Variants in CUX1 observed in about 807,000 individuals in gnomAD.
CUX1 encodes the protein cut like homeobox 1, also known as protein CASP.
CUX1 carries 31 observed loss-of-function variants against 158.8 expected under a neutral mutation model. The ratio of observed to expected loss-of-function variants is 0.20; its 90% CI spans 0.15 to 0.26. The LOEUF is 0.26. CUX1 is among the 10% of genes least tolerant of loss of function. CUX1 has a pLI of 1.00. For synonymous variants in CUX1, 879 were observed against 862.1 expected (o/e 1.02, Z -0.34); for missense variants, 1,589 against 2,014.6 (o/e 0.79, Z 4.04).
At chr7:102,170,091 C>T (rs1420863163) in intron 9 of CUX1, among the ~76,000 whole-genome samples, 1 of 152,056 alleles carries the variant, frequency 6.6e-6, no homozygotes, top group African/African-American at 2.4e-5. Flanking sequence ...GGAGTAATCC[C>T]GCAATAAAAT....
rs888124691 is a variant in CUX1, at chr7:101,869,947, C to T, written c.31-46168C>T. ...CCAGGTGCCCCGCAGAACCACCACC[C>T]TTGGGAAGGCGGCTCCTCGTGCCCC... On this transcript the variant is annotated intron_variant, in intron 1 of 23. Coordinates refer to ENST00000292535, the MANE Select transcript of CUX1 (RefSeq NM_181552.4). The surrounding 1 kb of genome is among the most constrained non-coding windows in gnomAD (Gnocchi z 4.5). Among the ~76,000 whole-genome samples, 2 of 152,046 alleles carry T rather than the reference C, an allele frequency of 1.3e-5. No individual in the cohort carries two copies. The highest frequency in any genetic ancestry group is 4.8e-5 in the African/African-American group (2 of 41,382).
intron 7 of CUX1, among the ~76,000 whole-genome samples, chr7:102,114,741 C>T (rs529390743): frequency 2.6e-5 from 4 of 152,212 alleles, no homozygotes; most frequent in South Asian, 2.1e-4. Flanking sequence ...ATTAGCCAAG[C>T]GTAGTGGCTT....
At chr7:101,898,314 G>A (rs879639640) in intron 1 of CUX1, among the ~76,000 whole-genome samples, 9 of 152,094 alleles carry the variant, frequency 5.9e-5, no homozygotes, top group Admixed American at 3.3e-4. Context: ...GCTGCCACTC[G>A]GCCTTTTCAT....
At chr7:102,009,583 G>A (rs1232793473) in intron 2 of CUX1, among the ~76,000 whole-genome samples, 1 of 152,218 alleles carries the variant, frequency 6.6e-6, no homozygotes, top group Non-Finnish European at 1.5e-5. Flanking sequence ...ATGAACCACT[G>A]CACCCAACCT....
intron 2 of CUX1, among the ~76,000 whole-genome samples, chr7:102,026,246 G>A (rs1820009958): frequency 6.6e-6 from 1 of 152,130 alleles, no homozygotes; most frequent in Non-Finnish European, 1.5e-5. Flanking sequence ...AAAATTCTGT[G>A]TCTGCATTGT....
intron 2 of CUX1, among the ~76,000 whole-genome samples, chr7:102,007,460 C>T (rs1817518904): frequency 6.6e-6 from 1 of 151,946 alleles, no homozygotes; most frequent in Non-Finnish European, 1.5e-5. Flanking sequence ...CCCCTGGGTG[C>T]CAGGGCCTGG....
chr7:102,202,439 G>A (rs1271902914), intron 18 of CUX1, among the ~76,000 whole-genome samples: 1 of 152,170 alleles, frequency 6.6e-6, no homozygotes, highest in African/African-American at 2.4e-5. Context: ...CCTGCATGCT[G>A]CCCTTTCGAC....
intron 8 of CUX1, among the ~76,000 whole-genome samples, chr7:102,132,315 GCGC>G (rs1833361372): frequency 7.7e-3 from 1 of 130 alleles, no homozygotes; most frequent in African/African-American, 0.083. Context: ...GTGTGCGCGC[GCGC>G]GCGCGCACGC....
intron 3 of CUX1, among the ~76,000 whole-genome samples, chr7:102,045,923 G>A (rs1822726698): frequency 6.6e-6 from 1 of 152,198 alleles, no homozygotes; most frequent in African/African-American, 2.4e-5. Flanking sequence ...TGGGGCTCTG[G>A]CCTTGGGGTT....
intron 20 of CUX1, among the ~76,000 whole-genome samples, chr7:102,225,710 A>G (rs1798276205): frequency 6.6e-6 from 1 of 152,212 alleles, no homozygotes; most frequent in East Asian, 1.9e-4. Flanking sequence ...AAAAAATTAG[A>G]CAGGTGTAGT....
chr7:102,046,668 C>T (rs915811767), intron 3 of CUX1, among the ~76,000 whole-genome samples: 3 of 149,966 alleles, frequency 2.0e-5, no homozygotes, highest in Non-Finnish European at 4.4e-5. Context: ...CCTGGACCTC[C>T]TGGGCTCAAG....
chr7:102,169,047 C>T (rs1426407458), intron 9 of CUX1, among the ~76,000 whole-genome samples: 2 of 151,312 alleles, frequency 1.3e-5, no homozygotes, highest in African/African-American at 4.9e-5. Flanking sequence ...GATTCTTCTG[C>T]CTCAGTCTCC....
At chr7:102,204,742 G>A (rs1171052223) in intron 19 of CUX1, among the ~76,000 whole-genome samples, 186 bp downstream of exon 19, 3 of 152,252 alleles carry the variant, frequency 2.0e-5, no homozygotes, top group Non-Finnish European at 4.4e-5. Flanking sequence ...ACCTGTTGCC[G>A]TGGGACTGAC....
intron 2 of CUX1, among the ~76,000 whole-genome samples, chr7:101,988,815 C>T (rs1814690719): frequency 6.6e-6 from 1 of 151,932 alleles, no homozygotes; most frequent in Admixed American, 6.6e-5. Context: ...GCCTCGGCAG[C>T]ATAATGAGAT....
intron 2 of CUX1, among the ~76,000 whole-genome samples, chr7:101,957,053 A>G (rs1439543825): frequency 6.6e-6 from 1 of 152,244 alleles, no homozygotes; most frequent in Admixed American, 6.5e-5. Flanking sequence ...CTAGTGTCCA[A>G]TATAGAGGAA....
upstream of CUX1, among the ~76,000 whole-genome samples, chr7:101,816,283 G>A (rs1347419837): frequency 2.1e-5 from 3 of 145,306 alleles, no homozygotes; most frequent in Non-Finnish European, 3.1e-5. Flanking sequence ...TTGATCACTC[G>A]CTTGATCGGA....
chr7:101,868,794 C>G (rs552210650), intron 1 of CUX1, among the ~76,000 whole-genome samples: 4 of 152,116 alleles, frequency 2.6e-5, no homozygotes, highest in African/African-American at 9.7e-5. Context: ...AACCCTCTGA[C>G]GTGGGAGTTA....
At chr7:101,926,260 T>C (rs73712589) in intron 2 of CUX1, among the ~76,000 whole-genome samples, 2,927 of 152,326 alleles carry the variant, frequency 0.019, 104 homozygotes, top group African/African-American at 0.066. Context: ...AAGTGAACTT[T>C]TAACTGTTAC....
At chr7:102,154,734 G>T (rs1563320393) in intron 8 of CUX1, among the ~76,000 whole-genome samples, 1 of 152,204 alleles carries the variant, frequency 6.6e-6, no homozygotes, top group Admixed American at 6.5e-5. Context: ...TGACATGGAA[G>T]ACAGAAGTAG....
Sources: gnomAD v4.1 joint callset for allele counts (sites outside exome capture counted in the v4.1 genomes callset) on GRCh38, gnomAD v4.1.1 for gene constraint, Gnocchi (gnomAD v3.1) non-coding constraint, MANE v1.5 for transcripts, NCBI Gene and HGNC (gene_info 2026-07-23, HGNC 2026-07-21) for gene names.